Variants in CDYL2 observed in about 807,000 individuals in gnomAD.
The protein encoded by CDYL2 is chromodomain Y like 2, also known as chromodomain Y-like protein 2.
CDYL2 carries 23 observed loss-of-function variants against 49.4 expected under a neutral mutation model. That is an observed-to-expected ratio of 0.47 (90% CI 0.34 to 0.66). CDYL2 has a LOEUF of 0.66. Among genes scored for constraint, CDYL2 ranks in the 30% least tolerant of loss-of-function variants. The pLI is 0.01. For missense variants in CDYL2, 678 were observed against 656.4 expected (o/e 1.03, Z -0.36); for synonymous variants, 360 against 268.8 (o/e 1.34, Z -3.32).
intron 2 of CDYL2, among the ~76,000 whole-genome samples, chr16:80,673,091 G>A (rs927669612): frequency 6.6e-6 from 1 of 152,178 alleles, no homozygotes; most frequent in African/African-American, 2.4e-5. Flanking sequence ...GCCGAGGTGG[G>A]TGGATCACTT....
chr16:80,717,512 G>A (rs1396141012), intron 1 of CDYL2, among the ~76,000 whole-genome samples: 1 of 152,216 alleles, frequency 6.6e-6, no homozygotes, highest in Non-Finnish European at 1.5e-5. Context: ...ACAGCCCCCA[G>A]TCCTCTTCCA....
intron 3 of CDYL2, among the ~76,000 whole-genome samples, chr16:80,624,552 A>G (rs1397095768): frequency 6.6e-6 from 1 of 152,180 alleles, no homozygotes; most frequent in African/African-American, 2.4e-5. Context: ...AGGAAAAAAA[A>G]CCCTAGCAGG....
intron 2 of CDYL2, among the ~76,000 whole-genome samples, chr16:80,647,264 G>C (rs941318050): frequency 6.6e-6 from 1 of 152,118 alleles, no homozygotes; most frequent in Non-Finnish European, 1.5e-5. Context: ...AATCAATATT[G>C]TTAAAATGGC....
chr16:80,762,203 C>CA (rs1013997565), intron 1 of CDYL2, among the ~76,000 whole-genome samples: 2 of 151,904 alleles, frequency 1.3e-5, no homozygotes, highest in Non-Finnish European at 2.9e-5. Flanking sequence ...AAATAAAAAA[C>CA]AAAAAAACAA....
At chr16:80,625,874 A>G (rs76835497) in intron 3 of CDYL2, among the ~76,000 whole-genome samples, 19,591 of 152,212 alleles carry the variant, frequency 0.13, 1,821 homozygotes, top group Admixed American at 0.31. Context: ...AAGGAAGGGT[A>G]AAAATTAGGC....
chr16:80,705,825 G>A (rs142212948), intron 1 of CDYL2, among the ~76,000 whole-genome samples: 10 of 152,390 alleles, frequency 6.6e-5, no homozygotes, highest in African/African-American at 2.2e-4. Context: ...TGGTGGGCCA[G>A]ATTTGGCCTG....
At chr16:80,758,207 T>A (rs1032734753) in intron 1 of CDYL2, among the ~76,000 whole-genome samples, 1 of 152,142 alleles carries the variant, frequency 6.6e-6, no homozygotes, top group Non-Finnish European at 1.5e-5. Flanking sequence ...CAATTATTAA[T>A]AATTAGTTAC....
intron 1 of CDYL2, among the ~76,000 whole-genome samples, chr16:80,738,017 T>TAGCCCCC (rs1905597885): frequency 7.0e-6 from 1 of 142,716 alleles, no homozygotes; most frequent in South Asian, 2.5e-4. Context: ...ATCCCTCCCC[T>TAGCCCCC]AGCCCCCAGC....
intron 3 of CDYL2, among the ~76,000 whole-genome samples, chr16:80,631,259 A>C (rs905411929): frequency 6.6e-6 from 1 of 152,202 alleles, no homozygotes; most frequent in African/African-American, 2.4e-5. Context: ...ACATGAGATA[A>C]ACAGCAAATA....
intron 2 of CDYL2, among the ~76,000 whole-genome samples, chr16:80,658,457 G>C (rs1400031898): frequency 6.6e-6 from 1 of 152,090 alleles, no homozygotes; most frequent in Non-Finnish European, 1.5e-5. Context: ...ACTCTTCTTA[G>C]TGGGTTTGCT....
At chr16:80,736,577 C>G (rs1281047573) in intron 1 of CDYL2, 2 of 152,134 alleles carry the variant, frequency 1.3e-5, no homozygotes, top group Non-Finnish European at 2.9e-5. Context: ...TGGCTGAACA[C>G]TGGGACTGTG....
chr16:80,641,940 A>C (rs75362069), intron 2 of CDYL2, among the ~76,000 whole-genome samples: 1 of 152,082 alleles, frequency 6.6e-6, no homozygotes, highest in African/African-American at 2.4e-5. Context: ...ATCTGAAGGC[A>C]TAAAACCCAG....
intron 1 of CDYL2, among the ~76,000 whole-genome samples, chr16:80,690,482 C>A (rs1440960005): frequency 2.0e-5 from 3 of 152,170 alleles, no homozygotes; most frequent in Non-Finnish European, 2.9e-5. Context: ...AATAACCCAG[C>A]AAGGTAAGTA....
chr16:80,798,016 T>TTTG (rs541825775), intron 1 of CDYL2, among the ~76,000 whole-genome samples: 4 of 152,264 alleles, frequency 2.6e-5, no homozygotes, highest in South Asian at 4.1e-4. Context: ...GCTTTTTTGT[T>TTTG]TTGTTGTTGT....
intron 2 of CDYL2, among the ~76,000 whole-genome samples, chr16:80,644,100 G>A (rs962030343): frequency 2.6e-5 from 4 of 152,198 alleles, no homozygotes; most frequent in Non-Finnish European, 4.4e-5. Flanking sequence ...ATGCTTTGCT[G>A]CTTAGAAATT....
chr16:80,804,180 C>T lies in CDYL2; in HGVS notation c.-7G>A. 2 of 1,323,696 alleles carry T rather than the reference C, an allele frequency of 1.5e-6. No individual in the cohort carries two copies. Among genetic ancestry groups the T allele is most frequent in the Non-Finnish European group, 2.0e-6 (2 of 1,007,982 alleles). The allele number at this position is 1,323,696 out of a possible 1,614,324, so 82.0% of individuals were successfully genotyped here. On this transcript the variant is annotated 5_prime_UTR_variant, in exon 1 of 7. Coordinates refer to ENST00000570137, the MANE Select transcript of CDYL2 (RefSeq NM_152342.4). ...AAAGGTCCCCAGAAGCCATGCCAGG[C>T]TGCGGAACTTGGCTCGCCGGTGTGC... is the stretch of plus-strand genomic sequence containing the variant.
At chr16:80,616,797 T>G (rs866798424) in intron 4 of CDYL2, among the ~76,000 whole-genome samples, 1 of 152,234 alleles carries the variant, frequency 6.6e-6, no homozygotes, top group African/African-American at 2.4e-5. Flanking sequence ...GTGCCAGGAA[T>G]AGCCCGAGTG....
intron 1 of CDYL2, among the ~76,000 whole-genome samples, chr16:80,743,376 A>C (rs139514641): frequency 1.3e-5 from 2 of 152,358 alleles, no homozygotes; most frequent in Non-Finnish European, 2.9e-5. Flanking sequence ...AGAAGTCACA[A>C]AGTGTGAAAG....
intron 2 of CDYL2, among the ~76,000 whole-genome samples, chr16:80,667,040 C>A (rs979507924): frequency 6.6e-6 from 1 of 152,166 alleles, no homozygotes; most frequent in Non-Finnish European, 1.5e-5. Context: ...CCAAGAAACA[C>A]CATTCCATGT....
Sources: gnomAD v4.1 joint callset for allele counts (sites outside exome capture counted in the v4.1 genomes callset) on GRCh38, gnomAD v4.1.1 for gene constraint, MANE v1.5 for transcripts, NCBI Gene and HGNC (gene_info 2026-07-23, HGNC 2026-07-21) for gene names.